Variants in CHST11 observed in about 807,000 individuals in gnomAD.
CHST11 encodes the protein carbohydrate sulfotransferase 11.
In CHST11, 9 loss-of-function variants were observed where a neutral mutation model predicts 30.4. The observed-to-expected ratio is 0.30, with a 90% CI of 0.18 to 0.52. The LOEUF is 0.52. Ranked by LOEUF, CHST11 falls within the 20% of genes least tolerant of loss-of-function variation. The pLI, the probability that CHST11 is intolerant of heterozygous loss-of-function variation, is 0.97. For missense variants in CHST11, 348 were observed against 460.6 expected (o/e 0.76, Z 2.24); for synonymous variants, 152 against 187.8 (o/e 0.81, Z 1.56).
At chr12:104,571,718 C>G (rs2038627584) in intron 1 of CHST11, among the ~76,000 whole-genome samples, 2 of 152,200 alleles carry the variant, frequency 1.3e-5, no homozygotes, top group African/African-American at 4.8e-5. Context: ...GATGTATTAT[C>G]AAATCCAGCC....
intron 1 of CHST11, among the ~76,000 whole-genome samples, chr12:104,500,787 C>T (rs2037845924): frequency 2.0e-5 from 3 of 152,158 alleles, no homozygotes; most frequent in Admixed American, 2.0e-4. Context: ...AGAGCTTTAG[C>T]TTTCAGTGCA....
rs545835568 is a variant in CHST11, at chr12:104,596,400, G to C, written c.119-5506G>C. 7.9e-5 allele frequency among the ~76,000 whole-genome samples: 12 copies of C among 152,326 alleles called. No individual in the cohort carries two copies. In the East Asian group the frequency reaches 2.3e-3, roughly 29 times the overall value. On this transcript the variant is annotated intron_variant, in intron 1 of 2. Coordinates refer to ENST00000303694, the MANE Select transcript of CHST11 (RefSeq NM_018413.6). ...TTGTTTTGCCAGCGGAAGGAGCAGA[G>C]ACCCATCTGGACTTGGGTGATTTAG...
intron 2 of CHST11, among the ~76,000 whole-genome samples, chr12:104,723,937 G>C (rs1248055082): frequency 6.6e-6 from 1 of 152,212 alleles, no homozygotes; most frequent in Non-Finnish European, 1.5e-5. Context: ...ACATTTCACA[G>C]ACATGGTGGT....
chr12:104,666,540 G>A (rs982813928), intron 2 of CHST11, among the ~76,000 whole-genome samples: 9 of 152,286 alleles, frequency 5.9e-5, no homozygotes, highest in Non-Finnish European at 7.4e-5. Flanking sequence ...CTCTGTCTGC[G>A]TGTTGAATTC....
chr12:104,739,305 G>T (rs1416865395), intron 2 of CHST11, among the ~76,000 whole-genome samples: 1 of 152,198 alleles, frequency 6.6e-6, no homozygotes. Flanking sequence ...ATTCTAGTTG[G>T]GAAAGGTGTC....
At chr12:104,460,556 C>T (rs1204033682) in intron 1 of CHST11, among the ~76,000 whole-genome samples, 5 of 151,614 alleles carry the variant, frequency 3.3e-5, no homozygotes, top group African/African-American at 1.2e-4. Context: ...CCCAGGAACT[C>T]CGGAGGCTGA....
intron 1 of CHST11, among the ~76,000 whole-genome samples, chr12:104,560,835 G>A (rs1169309559): frequency 6.6e-6 from 1 of 152,172 alleles, no homozygotes; most frequent in Non-Finnish European, 1.5e-5. Flanking sequence ...CACGCATTCT[G>A]GGTCTCTTGG....
intron 2 of CHST11, among the ~76,000 whole-genome samples, chr12:104,698,087 G>GT (rs2039962496): frequency 6.6e-6 from 1 of 152,178 alleles, no homozygotes. Flanking sequence ...GCATCAGCAT[G>GT]TTTATTTCAT....
intron 1 of CHST11, among the ~76,000 whole-genome samples, chr12:104,533,909 G>C (rs1258321496): frequency 6.6e-6 from 1 of 152,170 alleles, no homozygotes; most frequent in South Asian, 2.1e-4. Flanking sequence ...CGTTGGATTG[G>C]GCCGAGGCTG....
chr12:104,543,204 C>T (rs1307383517), intron 1 of CHST11, among the ~76,000 whole-genome samples: 1 of 152,108 alleles, frequency 6.6e-6, no homozygotes, highest in Admixed American at 6.6e-5. Context: ...TTTAAACAAC[C>T]AGATCCCATG....
At chr12:104,613,290 GA>G (rs2039078052) in intron 2 of CHST11, among the ~76,000 whole-genome samples, 1 of 146,676 alleles carries the variant, frequency 6.8e-6, no homozygotes, top group Admixed American at 6.8e-5. Flanking sequence ...TAGATAGATA[GA>G]TATAGATATA....
At chr12:104,570,904 T>G (rs948514535) in intron 1 of CHST11, among the ~76,000 whole-genome samples, 7 of 152,220 alleles carry the variant, frequency 4.6e-5, no homozygotes, top group Admixed American at 1.3e-4. Context: ...TTGACCAGGC[T>G]GGTCTCGAAC....
At chr12:104,500,685 A>C (rs962306246) in intron 1 of CHST11, among the ~76,000 whole-genome samples, 4 of 152,178 alleles carry the variant, frequency 2.6e-5, no homozygotes, top group Non-Finnish European at 5.9e-5. Flanking sequence ...TCTATCTTAG[A>C]AGAGGAGTTG....
At chr12:104,578,457 T>C (rs2038705865) in intron 1 of CHST11, among the ~76,000 whole-genome samples, 1 of 152,250 alleles carries the variant, frequency 6.6e-6, no homozygotes, top group African/African-American at 2.4e-5. Context: ...ATCTTTCTGT[T>C]TGAGTGTCTT....
At chr12:104,692,168 C>T (rs2039902100) in intron 2 of CHST11, among the ~76,000 whole-genome samples, 1 of 152,216 alleles carries the variant, frequency 6.6e-6, no homozygotes. Context: ...TCCTGTTCAC[C>T]GTCTCTGCAG....
At chr12:104,624,523 A>T (rs915827249) in intron 2 of CHST11, among the ~76,000 whole-genome samples, 1 of 91,008 alleles carries the variant, frequency 1.1e-5, no homozygotes, top group Admixed American at 1.1e-4. Flanking sequence ...TATCAAATGA[A>T]TGAAGGGAAA....
chr12:104,752,269 G>A (rs555100583), intron 2 of CHST11, among the ~76,000 whole-genome samples: 5 of 152,204 alleles, frequency 3.3e-5, no homozygotes, highest in South Asian at 4.1e-4. Context: ...TTCTCCCTGC[G>A]TGTCTCTGTG....
intron 2 of CHST11, among the ~76,000 whole-genome samples, chr12:104,747,261 G>A (rs1368042307): frequency 1.3e-5 from 2 of 152,208 alleles, no homozygotes; most frequent in African/African-American, 2.4e-5. Context: ...ACCATGCAGG[G>A]TCTCAGACCA....
intron 2 of CHST11, among the ~76,000 whole-genome samples, chr12:104,745,570 G>A (rs2040383601): frequency 6.6e-6 from 1 of 152,152 alleles, no homozygotes; most frequent in African/African-American, 2.4e-5. Flanking sequence ...CTATCCATGA[G>A]CATGGAATAT....
Sources: allele counts gnomAD v4.1 joint callset (sites outside exome capture counted in the v4.1 genomes callset), GRCh38; gene constraint gnomAD v4.1.1; transcripts MANE v1.5; gene names NCBI Gene and HGNC (gene_info 2026-07-23, HGNC 2026-07-21).